The following NCF4 variants were observed in gnomAD, a reference collection of about 807,000 sequenced individuals.
NCF4 encodes neutrophil cytosolic factor 4, also known as neutrophil cytosol factor 4.
Under a neutral mutation model 41.7 loss-of-function variants are expected in NCF4, and 30 were observed. That is an observed-to-expected ratio of 0.72 (90% CI 0.54 to 0.97). NCF4 has a LOEUF of 0.97. NCF4 is among the 50% of genes least tolerant of loss of function. NCF4 has a pLI of 0.00. For synonymous variants in NCF4, 195 were observed against 175.8 expected, an observed-to-expected ratio of 1.11 and a Z score of -0.87; for missense variants, 432 against 460.9, an observed-to-expected ratio of 0.94 and a Z score of 0.57.
chr22:36,873,906 G>A lies in NCF4; in HGVS notation c.627+1481G>A, dbSNP rs9610596. On this transcript the variant is annotated intron_variant, in intron 7 of 9. Transcript: ENST00000248899. ...GACAACAGTACATACCTTGCCCACA[G>A]CAGTAAAAGCTGCTGATGAAGAGTG... Among the ~76,000 whole-genome samples the A allele has an allele frequency of 3.1e-3, 477 of 152,360 alleles. 1 individual carries two copies. The highest frequency in any genetic ancestry group is 0.014 in the Middle Eastern group (4 of 294).
At chr22:36,867,309 G>C (rs1939950627) in intron 3 of NCF4, 83 bp from the exon 4 acceptor site, 1 of 1,456,242 alleles carries the variant, frequency 6.9e-7, no homozygotes, top group African/African-American at 1.4e-5. Flanking sequence ...GCTCTGGCCA[G>C]GGTTCCTGGC....
chr22:36,861,252 A>C (rs1490127336), intron 1 of NCF4, 49 bp downstream of exon 1: 1 of 1,546,558 alleles, frequency 6.5e-7, no homozygotes, highest in Non-Finnish European at 8.8e-7. Flanking sequence ...TGCTCCTCAT[A>C]GGCCTTAGGG....
At position 36,864,859 on chromosome 22, in the gene NCF4, C is replaced by T. The variant is rs1021628963; in HGVS notation, c.118-60C>T. The T allele has an allele frequency of 1.1e-5, 18 of 1,606,950 alleles. No homozygotes were observed. In the African/African-American group the frequency reaches 2.4e-4, roughly 21 times the overall value. ...CCTCCTCCTCCCCTTTTCCCTTCCA[C>T]CTCTTTTTGGCTTGTGCTCCTGGCC... On this transcript the variant is annotated intron_variant, in intron 2 of 9. Coordinates refer to ENST00000248899, the MANE Select transcript of NCF4 (RefSeq NM_000631.5).
At chr22:36,875,558 C>T (rs957606807) in intron 7 of NCF4, 95 bp from the exon 8 acceptor site, 2 of 1,183,046 alleles carry the variant, frequency 1.7e-6, no homozygotes, top group East Asian at 2.4e-5. Context: ...ACCTCATCTG[C>T]CTTTCCCCAT....
chr22:36,864,003 T>G, intron 1 of NCF4, 42 bp from the exon 2 acceptor site: 4 of 1,581,268 alleles, frequency 2.5e-6, no homozygotes, highest in Non-Finnish European at 3.5e-6. Context: ...ACAAAACACA[T>G]CAGGGTGATA....
chr22:36,866,219 C>T (rs920483784), intron 3 of NCF4, among the ~76,000 whole-genome samples: 2 of 152,100 alleles, frequency 1.3e-5, no homozygotes, highest in African/African-American at 2.4e-5. Context: ...TGGCCATCCT[C>T]TCCTTAACTC....
intron 5 of NCF4, 133 bp from the exon 6 acceptor site, chr22:36,871,519 G>C: frequency 2.0e-6 from 2 of 997,576 alleles, no homozygotes; most frequent in Non-Finnish European, 3.1e-6. Context: ...AGGAGCAATT[G>C]CAGCCACATT....
At position 36,877,734 on chromosome 22, in the gene NCF4, C is replaced by A. The variant is rs757937260; in HGVS notation, c.931C>A (p.Arg311Ser). The A allele has an allele frequency of 1.4e-5, 23 of 1,613,970 alleles. No individual in the cohort carries two copies. Among genetic ancestry groups the A allele is most frequent in the Non-Finnish European group, 1.9e-5 (22 of 1,180,030 alleles). The change falls in exon 10 of 10, where the codon CGT (arginine) becomes AGT (serine). Residue 311 changes from arginine (R) to serine (S), a missense_variant. Coordinates refer to ENST00000248899, the MANE Select transcript of NCF4 (RefSeq NM_000631.5). ...EDVALMVRQA[R>S]GLPSQKRLFP... Reference sequence around the variant, plus strand: ...CGTAGCGCTCATGGTGCGGCAGGCTCGTGGCCTCCCCTCCCAGAAGCGCCT... The same window carrying A: ...CGTAGCGCTCATGGTGCGGCAGGCTAGTGGCCTCCCCTCCCAGAAGCGCCT...
chr22:36,871,621 G>A (rs1940056369), intron 5 of NCF4, 31 bp from the exon 6 acceptor site: 3 of 1,554,340 alleles, frequency 1.9e-6, no homozygotes, highest in Non-Finnish European at 2.6e-6. Flanking sequence ...GAGAATCACA[G>A]GGCTAACAAG....
At position 36,864,928 on chromosome 22, in the gene NCF4, A is replaced by G. The variant is rs779970175; in HGVS notation, c.127A>G (p.Ile43Val). 1 of 1,613,782 alleles carries G rather than the reference A, an allele frequency of 6.2e-7. No individual in the cohort carries two copies. Among genetic ancestry groups the G allele is most frequent in the South Asian group, 1.1e-5 (1 of 91,076 alleles). Residue 43 changes from isoleucine (I) to valine (V), a missense_variant, in exon 3 of 10, where the codon ATC becomes GTC. By Grantham distance (29) the Ile-to-Val change is conservative (BLOSUM62 3). Transcript: ENST00000248899. Reference protein sequence around the residue: ...RGFTSHFVFVIEVKTKGGSKY... With the variant: ...RGFTSHFVFVVEVKTKGGSKY... ...CCTCTGTCCTCCTTAGGTTTTCGTC[A>G]TCGAGGTGAAGACAAAAGGAGGATC...
rs1201329624 is a variant in NCF4 at position 36,870,526 on chromosome 22, C to T, written c.454C>T (p.Pro152Ser). The T allele has an allele frequency of 6.2e-7, 1 of 1,612,566 alleles. No individual in the cohort carries two copies. Among genetic ancestry groups the T allele is most frequent in the East Asian group, 2.2e-5 (1 of 44,864 alleles). The change falls in exon 5 of 10, where the codon CCG becomes TCG. Residue 152 changes from proline to serine, a missense_variant. Physicochemically the swap from Pro to Ser is moderately conservative, Grantham distance 74. Transcript: ENST00000248899. Reference sequence around the variant, plus strand: ...GCCCCAGGCACTCCGCCGGCTCCGCCCGCGCACCCGGAAAGTGTAAGTGAC... The same window carrying T: ...GCCCCAGGCACTCCGCCGGCTCCGCTCGCGCACCCGGAAAGTGTAAGTGAC... The part of the protein sequence containing the change: ...QVPQALRRLR[P>S]RTRKVKSVSP...
At chr22:36,863,966 G>A in intron 1 of NCF4, 79 bp from the exon 2 acceptor site, 2 of 1,347,350 alleles carry the variant, frequency 1.5e-6, no homozygotes, top group African/African-American at 1.4e-5. Context: ...AGTTTGCTTT[G>A]CACTCTACCT....
chr22:36,877,177 C>G (rs1385433134), intron 9 of NCF4, among the ~76,000 whole-genome samples: 1 of 152,014 alleles, frequency 6.6e-6, no homozygotes, highest in Non-Finnish European at 1.5e-5. Flanking sequence ...CACTCTGTTG[C>G]CCAGGCTGGA....
At chr22:36,867,297 G>A (rs1324282669) in intron 3 of NCF4, 95 bp from the exon 4 acceptor site, 13 of 1,303,182 alleles carry the variant, frequency 1.0e-5, no homozygotes, top group African/African-American at 1.5e-5. Context: ...CATCGGGAAG[G>A]GGCTCTGGCC....
chr22:36,877,120 C>T (rs930823456), intron 9 of NCF4, among the ~76,000 whole-genome samples: 1 of 152,056 alleles, frequency 6.6e-6, no homozygotes, highest in Non-Finnish European at 1.5e-5. Flanking sequence ...CACTAATTTC[C>T]GTGAAAGTCT....
chr22:36,876,235 G>T, intron 9 of NCF4, 141 bp downstream of exon 9: 1 of 890,268 alleles, frequency 1.1e-6, no homozygotes, highest in Non-Finnish European at 1.7e-6. Flanking sequence ...AGCCCTGCAG[G>T]TTAGGCAGCA....
In NCF4 at chr22:36,877,814, G is replaced by T. The variant is rs28669668; in HGVS notation, c.1011G>T (p.Thr337=). 1 of 1,613,328 alleles carries T rather than the reference G, an allele frequency of 6.2e-7. No homozygotes were observed. Among genetic ancestry groups the T allele is most frequent in the Admixed American group, 1.7e-5 (1 of 59,896 alleles). ...AGGACAACTACAGGGTCTACAACACGATGCCATGAGCTGACGGTGTCCCTG... is the reference window on the plus strand; with the variant it reads ...AGGACAACTACAGGGTCTACAACACTATGCCATGAGCTGACGGTGTCCCTG... ...TQKDNYRVYN[T]MP Residue 337 remains threonine, a synonymous_variant, in exon 10 of 10, where the codon ACG becomes ACT. Coordinates refer to ENST00000248899, the MANE Select transcript of NCF4 (RefSeq NM_000631.5).
At chr22:36,862,521 T>C (rs949513540) in intron 1 of NCF4, among the ~76,000 whole-genome samples, 1 of 152,074 alleles carries the variant, frequency 6.6e-6, no homozygotes, top group African/African-American at 2.4e-5. Context: ...GGTACAGGGT[T>C]CAGGGGATGA....
intron 6 of NCF4, chr22:36,872,107 C>A: frequency 7.0e-6 from 5 of 710,044 alleles, no homozygotes; most frequent in Non-Finnish European, 1.3e-5. Flanking sequence ...GTGCTCACCC[C>A]CACCAGGTTT....
Sources: allele counts gnomAD v4.1 joint callset (sites outside exome capture counted in the v4.1 genomes callset), GRCh38; gene constraint gnomAD v4.1.1; transcripts MANE v1.5; gene names NCBI Gene and HGNC (gene_info 2026-07-23, HGNC 2026-07-21).